The following KIAA0319L variants were observed in gnomAD, a reference collection of about 807,000 sequenced individuals.
The protein encoded by KIAA0319L is KIAA0319 like.
In KIAA0319L, 55 loss-of-function variants were observed where a neutral mutation model predicts 120.1. That is an observed-to-expected ratio of 0.46 (90% confidence interval 0.37 to 0.57). The LOEUF is 0.57. KIAA0319L is among the 20% of genes least tolerant of loss of function. The pLI is 0.00. For missense variants in KIAA0319L, 1,049 were observed against 1,255.3 expected (o/e 0.84, Z 2.48); for synonymous variants, 398 against 471.9 (o/e 0.84, Z 2.03).
intron 1 of KIAA0319L, among the ~76,000 whole-genome samples, chr1:35,555,249 T>C (rs924627691): frequency 6.6e-6 from 1 of 152,206 alleles, no homozygotes; most frequent in African/African-American, 2.4e-5. Context: ...TACGTAAATA[T>C]TGGCAACATT....
chr1:35,451,621 G>C lies in KIAA0319L; in HGVS notation c.2062+7C>G, dbSNP rs777167691. On this transcript the variant is annotated splice_region_variant and intron_variant, in intron 13 of 20. Transcript: ENST00000325722. ...GGCTGCTACACAAACTGGAGGCAGA[G>C]AGGTACCTTCTTTGACAATGACATT... The C allele has an allele frequency of 4.3e-6, 7 of 1,613,600 alleles. No individual in the cohort carries two copies. Among genetic ancestry groups the C allele is most frequent in the Non-Finnish European group, 4.2e-6 (5 of 1,179,572 alleles).
chr1:35,497,802 CATAAA>C (rs1252840720), intron 3 of KIAA0319L, among the ~76,000 whole-genome samples: 2 of 152,166 alleles, frequency 1.3e-5, no homozygotes, highest in South Asian at 4.1e-4. Context: ...TCATTTTTTT[CATAAA>C]ATAAGTATCA....
intron 3 of KIAA0319L, among the ~76,000 whole-genome samples, chr1:35,486,737 CAAAAAA>C (rs4045085): frequency 6.9e-5 from 6 of 86,974 alleles, no homozygotes; most frequent in Admixed American, 5.8e-4. Context: ...CCCATTTCTA[CAAAAAA>C]AAAAAAAAAA....
intron 2 of KIAA0319L, among the ~76,000 whole-genome samples, chr1:35,549,137 A>C (rs1647100629): frequency 6.6e-6 from 1 of 151,712 alleles, no homozygotes; most frequent in Non-Finnish European, 1.5e-5. Context: ...TGCAGTCTTG[A>C]ACTCCCGGGC....
intron 2 of KIAA0319L, among the ~76,000 whole-genome samples, chr1:35,538,275 T>C (rs1646658203): frequency 6.6e-6 from 1 of 152,082 alleles, no homozygotes; most frequent in Non-Finnish European, 1.5e-5. Context: ...TAATGTGAAT[T>C]AAGCATCCTA....
rs1430638751 is a variant in KIAA0319L at position 35,434,897 on chromosome 1, C to T, written c.3147G>A (p.Leu1049=). The T allele has an allele frequency of 5.0e-6, 8 of 1,611,976 alleles. No homozygotes were observed. Among genetic ancestry groups the T allele is most frequent in the Non-Finnish European group, 6.8e-6 (8 of 1,179,780 alleles). ...CCTGAGGAGACAGACCAGGTGGCTACAGGATCTCCTCCCGCGGGCTCCTGG... is the reference window on the plus strand; with the variant it reads ...CCTGAGGAGACAGACCAGGTGGCTATAGGATCTCCTCCCGCGGGCTCCTGG... The part of the protein sequence containing the change: ...LKARSPREEI[L] Residue 1049 remains leucine (L), a synonymous_variant, in exon 21 of 21, where the codon CTG becomes CTA. Coordinates refer to ENST00000325722, the MANE Select transcript of KIAA0319L (RefSeq NM_024874.5).
chr1:35,484,787 TATATATATATA>T (rs1644304530), intron 3 of KIAA0319L, among the ~76,000 whole-genome samples: 4 of 66,476 alleles, frequency 6.0e-5, no homozygotes, highest in East Asian at 5.8e-4. Flanking sequence ...TATATATATA[TATATATATATA>T]TATATATATT....
chr1:35,516,697 C>A (rs1302439440), intron 2 of KIAA0319L, among the ~76,000 whole-genome samples: 1 of 152,104 alleles, frequency 6.6e-6, no homozygotes, highest in South Asian at 2.1e-4. Context: ...ATTAGAAATC[C>A]TAGACATAGC....
At chr1:35,472,856 T>G (rs1194716080) in intron 5 of KIAA0319L, among the ~76,000 whole-genome samples, 4 of 151,506 alleles carry the variant, frequency 2.6e-5, no homozygotes, top group Admixed American at 1.3e-4. Context: ...TGGCATAATC[T>G]TGGCTCACTG....
chr1:35,435,445 G>GA, intron 20 of KIAA0319L: 1 of 188,976 alleles, frequency 5.3e-6, no homozygotes. Context: ...TGGTAGGCAG[G>GA]AAAGCACAAA....
intron 3 of KIAA0319L, among the ~76,000 whole-genome samples, chr1:35,490,757 T>C (rs1408092081): frequency 6.6e-6 from 1 of 152,194 alleles, no homozygotes; most frequent in African/African-American, 2.4e-5. Flanking sequence ...CCAAATCTCA[T>C]GTTGAATTGT....
Position 35,456,174 on chromosome 1 carries a change from C to T in KIAA0319L, c.1495G>A (p.Val499Met). 6.2e-7 allele frequency: 1 copy of T among 1,613,028 alleles called. No homozygotes were observed. The highest frequency in any genetic ancestry group is 1.1e-5 in the South Asian group (1 of 90,956). Residue 499 changes from valine (V) to methionine (M), a missense_variant, in exon 10 of 21, where the codon GTG becomes ATG. Transcript: ENST00000325722. ...TTANLTVNKAVDYPPVANAGP... is the reference protein window; with the variant it reads ...TTANLTVNKAMDYPPVANAGP... Reference sequence around the variant, plus strand: ...GCGTTGGCCACAGGGGGGTAATCCACAGCTTTGTTCACTGTCAGGTTTGCA... The same window carrying T: ...GCGTTGGCCACAGGGGGGTAATCCATAGCTTTGTTCACTGTCAGGTTTGCA...
chr1:35,497,310 C>T (rs1644847377), intron 3 of KIAA0319L, among the ~76,000 whole-genome samples: 1 of 151,222 alleles, frequency 6.6e-6, no homozygotes, highest in South Asian at 2.1e-4. Flanking sequence ...TTTACTAAAA[C>T]CACTGAATTG....
chr1:35,530,195 C>A (rs890400677), intron 2 of KIAA0319L, among the ~76,000 whole-genome samples: 2 of 151,682 alleles, frequency 1.3e-5, no homozygotes, highest in African/African-American at 4.8e-5. Flanking sequence ...ACCACCATGC[C>A]CGGCCTTTTT....
intron 2 of KIAA0319L, among the ~76,000 whole-genome samples, chr1:35,513,795 T>C (rs1645569453): frequency 6.6e-6 from 1 of 152,216 alleles, no homozygotes; most frequent in Admixed American, 6.5e-5. Flanking sequence ...CCCTTACTCA[T>C]GAGTTAAATC....
rs546664178 is a variant in KIAA0319L at position 35,503,000 on chromosome 1, C to T, written c.666+3612G>A. On this transcript the variant is annotated intron_variant, in intron 3 of 20. Coordinates refer to ENST00000325722, the MANE Select transcript of KIAA0319L (RefSeq NM_024874.5). ...ACCACTGTTATAAATGCATGATCTCCATCTTCAAGGCTACCCAGCAATATT... is the reference window on the plus strand; with the variant it reads ...ACCACTGTTATAAATGCATGATCTCTATCTTCAAGGCTACCCAGCAATATT... 2.0e-4 allele frequency among the ~76,000 whole-genome samples: 30 copies of T among 152,236 alleles called. No homozygotes were observed. In the South Asian group the frequency reaches 3.3e-3, roughly 17 times the overall value.
intron 8 of KIAA0319L, among the ~76,000 whole-genome samples, chr1:35,462,346 A>G (rs1642956179): frequency 1.3e-5 from 2 of 152,230 alleles, no homozygotes; most frequent in African/African-American, 4.8e-5. Flanking sequence ...AGTTTCAACT[A>G]AAATCATGCT....
chr1:35,473,783 G>A (rs1417983336), intron 5 of KIAA0319L, among the ~76,000 whole-genome samples: 1 of 152,208 alleles, frequency 6.6e-6, no homozygotes, highest in Admixed American at 6.5e-5. Context: ...CTGTATTGGA[G>A]ATGTGTGTAC....
intron 2 of KIAA0319L, among the ~76,000 whole-genome samples, chr1:35,530,326 C>T (rs1223869721): frequency 1.3e-5 from 2 of 152,014 alleles, no homozygotes; most frequent in South Asian, 2.1e-4. Context: ...GCACCCAGCC[C>T]GAGTTCTGAA....
Sources: allele counts gnomAD v4.1 joint callset (sites outside exome capture counted in the v4.1 genomes callset), GRCh38; gene constraint gnomAD v4.1.1; transcripts MANE v1.5; gene names NCBI Gene and HGNC (gene_info 2026-07-23, HGNC 2026-07-21).